RUNX3: variants seen among roughly 807,000 people sequenced by gnomAD.
The protein encoded by RUNX3 is RUNX family transcription factor 3.
Under a neutral mutation model 27.7 loss-of-function variants are expected in RUNX3, and 10 were observed. The ratio of observed to expected loss-of-function variants is 0.36; its 90% CI spans 0.22 to 0.61. RUNX3 has a LOEUF of 0.61. Among genes scored for constraint, RUNX3 ranks in the 20% least tolerant of loss-of-function variants. The pLI, the probability that RUNX3 is intolerant of heterozygous loss-of-function variation, is 0.72. For synonymous variants in RUNX3, 270 were observed against 269.2 expected (o/e 1.00, Z -0.03); for missense variants, 469 against 629.5 (o/e 0.75, Z 2.73).
chr1:24,907,449 C>T (rs1199331590), intron 3 of RUNX3, 32 bp from the exon 4 acceptor site: 1 of 1,594,208 alleles, frequency 6.3e-7, no homozygotes, highest in South Asian at 1.1e-5. Flanking sequence ...TCAGCCGTTG[C>T]TTCCCCAGAG....
intron 2 of RUNX3, among the ~76,000 whole-genome samples, chr1:24,939,858 C>T (rs1043360532): frequency 2.0e-5 from 3 of 152,220 alleles, no homozygotes; most frequent in Non-Finnish European, 4.4e-5. Flanking sequence ...GGTGGAAGGG[C>T]AGGGCACTAG....
intron 2 of RUNX3, among the ~76,000 whole-genome samples, chr1:24,947,231 G>T (rs954264865): frequency 9.9e-5 from 15 of 152,184 alleles, no homozygotes; most frequent in African/African-American, 3.6e-4. Context: ...TAGTCCGGCT[G>T]CCTGCTACCT....
rs747855842 is a variant in RUNX3 at position 24,904,846 on chromosome 1, T to C, written c.704-2180A>G. On this transcript the variant is annotated intron_variant, in intron 4 of 4. Transcript: ENST00000308873. This position sits in a 1 kb window ranked among gnomAD's most constrained non-coding sequence, Gnocchi z 5.7. ...TCCCTCAGACCCCCCAGCAGCTTCCTTGGAGCTCCTGTACCCCCACCCTGC... is the reference window on the plus strand; with the variant it reads ...TCCCTCAGACCCCCCAGCAGCTTCCCTGGAGCTCCTGTACCCCCACCCTGC... 2.0e-5 allele frequency among the ~76,000 whole-genome samples: 3 copies of C among 152,138 alleles called. No individual in the cohort carries two copies. Among genetic ancestry groups the C allele is most frequent in the Non-Finnish European group, 4.4e-5 (3 of 67,990 alleles).
Position 24,929,896 on chromosome 1 carries a change from G to C in RUNX3, c.-28C>G, listed in dbSNP as rs1641182524. The C allele has an allele frequency of 8.0e-7, 1 of 1,254,298 alleles. No homozygotes were observed. Among genetic ancestry groups the C allele is most frequent in the South Asian group, 3.2e-5 (1 of 31,688 alleles). The allele number at this position is 1,254,298 out of a possible 1,614,324, so 77.7% of individuals were successfully genotyped here. A position where few individuals can be genotyped will look rare whatever the true frequency, so the allele number is the denominator to read the frequency against. On this transcript the variant is annotated 5_prime_UTR_variant, in exon 1 of 5. Transcript: ENST00000308873. The stretch of plus-strand genomic sequence containing the variant: ...CAGCGGCCGTCAGGGCGCCGGGCAG[G>C]CGGAGACGGCGCGGCTTCCCCCGGG...
chr1:24,955,614 G>A (rs1380878203), intron 2 of RUNX3, among the ~76,000 whole-genome samples: 1 of 152,206 alleles, frequency 6.6e-6, no homozygotes, highest in Non-Finnish European at 1.5e-5. Context: ...GGCTTGGTAG[G>A]CTAAGGTCTG....
intron 2 of RUNX3, among the ~76,000 whole-genome samples, chr1:24,924,987 T>G (rs902457934): frequency 1.2e-4 from 18 of 152,156 alleles, no homozygotes; most frequent in Admixed American, 9.8e-4. Flanking sequence ...GAAAGCCATC[T>G]TCCTGGAATT....
chr1:24,904,392 G>T lies in RUNX3; in HGVS notation c.704-1726C>A, dbSNP rs1244869606. ...AACGGAGTGATGCTCCTGGCTTAAG[G>T]TAAGAAGATGTGGGGACAGCAGTCT... On this transcript the variant is annotated intron_variant, in intron 4 of 4. Transcript: ENST00000308873. This position sits in a 1 kb window ranked among gnomAD's most constrained non-coding sequence, Gnocchi z 5.7. Among the ~76,000 whole-genome samples the T allele has an allele frequency of 2.0e-5, 3 of 152,208 alleles. No individual in the cohort carries two copies. The highest frequency in any genetic ancestry group is 7.2e-5 in the African/African-American group (3 of 41,448).
chr1:24,931,083 T>C (rs1167265118), upstream of RUNX3, among the ~76,000 whole-genome samples: 1 of 152,228 alleles, frequency 6.6e-6, no homozygotes, highest in Admixed American at 6.5e-5. Flanking sequence ...TGCGTTTTTC[T>C]TTTTTTCCTT....
At chr1:24,931,107 A>G (rs564549151), upstream of RUNX3, among the ~76,000 whole-genome samples, 3 of 152,250 alleles carry the variant, frequency 2.0e-5, no homozygotes, top group Non-Finnish European at 4.4e-5. Flanking sequence ...GCATGTAACC[A>G]CGGTCCTGCA....
intron 3 of RUNX3, among the ~76,000 whole-genome samples, chr1:24,915,924 T>C (rs1307047991): frequency 6.6e-6 from 1 of 152,054 alleles, no homozygotes; most frequent in East Asian, 1.9e-4. Flanking sequence ...CCCCAGTGAC[T>C]CTGAGGGACA....
At position 24,930,245 on chromosome 1, in the gene RUNX3, G is replaced by A. The variant is rs954273615; in HGVS notation, c.-377C>T. Reference sequence around the variant, plus strand: ...CGGCCGCCCCGACTCCGCGGCCGCAGCCCCAGAACAAATCCTCCAGAATCA... The same window carrying A: ...CGGCCGCCCCGACTCCGCGGCCGCAACCCCAGAACAAATCCTCCAGAATCA... On this transcript the variant is annotated 5_prime_UTR_variant, in exon 1 of 5. Coordinates refer to ENST00000308873, the MANE Select transcript of RUNX3 (RefSeq NM_004350.3). This position sits in a 1 kb window ranked among gnomAD's most constrained non-coding sequence, Gnocchi z 4.1. The A allele has an allele frequency of 1.0e-6, 1 of 983,404 alleles. No homozygotes were observed. The highest frequency in any genetic ancestry group is 1.8e-5 in the African/African-American group (1 of 57,118). The allele number at this position is 983,404 out of a possible 1,614,324, so 60.9% of individuals were successfully genotyped here.
chr1:24,943,073 A>T lies in RUNX3; in HGVS notation c.59-13221T>A, dbSNP rs780801661. On this transcript the variant is annotated intron_variant, in intron 2 of 6. Transcript: ENST00000338888. The surrounding 1 kb of genome is among the most constrained non-coding windows in gnomAD (Gnocchi z 4.6). Reference sequence around the variant, plus strand: ...GCCCTGATTGGAACAAGGTGGCAGCACCGGGAGCCGAGCCGGGTGTCATTG... The same window carrying T: ...GCCCTGATTGGAACAAGGTGGCAGCTCCGGGAGCCGAGCCGGGTGTCATTG... 6.6e-6 allele frequency among the ~76,000 whole-genome samples: 1 copy of T among 152,228 alleles called. No individual in the cohort carries two copies. The highest frequency in any genetic ancestry group is 1.5e-5 in the Non-Finnish European group (1 of 68,036).
At position 24,902,766 on chromosome 1, in the gene RUNX3, G is replaced by A; in HGVS notation, c.704-100C>T. 9.1e-7 allele frequency: 1 copy of A among 1,097,898 alleles called. No individual in the cohort carries two copies. Among genetic ancestry groups the A allele is most frequent in the Admixed American group, 2.7e-5 (1 of 36,944 alleles). 68.0% of individuals were successfully genotyped at this position (1,097,898 alleles called of 1,614,324 possible). ...GCTCTGGTTCCCAAGGCCCATCTGG[G>A]GGACCCCTAGTTCTAGACCTGGCTC... On this transcript the variant is annotated intron_variant, in intron 4 of 4. Coordinates refer to ENST00000308873, the MANE Select transcript of RUNX3 (RefSeq NM_004350.3). The surrounding 1 kb of genome is among the most constrained non-coding windows in gnomAD (Gnocchi z 9.2).
At chr1:24,940,182 A>G (rs1243987576) in intron 2 of RUNX3, among the ~76,000 whole-genome samples, 1 of 152,180 alleles carries the variant, frequency 6.6e-6, no homozygotes, top group South Asian at 2.1e-4. Context: ...GCTGGCTTGG[A>G]ATAGGGACAC....
At chr1:24,936,898 T>C (rs1571334538) in intron 2 of RUNX3, among the ~76,000 whole-genome samples, 1 of 152,110 alleles carries the variant, frequency 6.6e-6, no homozygotes. Context: ...CCTCAGACAT[T>C]CCTGCCAGCA....
At chr1:24,924,050 C>T (rs1641050461) in intron 2 of RUNX3, among the ~76,000 whole-genome samples, 1 of 152,068 alleles carries the variant, frequency 6.6e-6, no homozygotes, top group African/African-American at 2.4e-5. Flanking sequence ...TTCAATTCTT[C>T]CTGGGAGGGA....
intron 2 of RUNX3, among the ~76,000 whole-genome samples, chr1:24,939,199 A>T (rs1304207369): frequency 6.6e-6 from 1 of 152,204 alleles, no homozygotes; most frequent in Non-Finnish European, 1.5e-5. Flanking sequence ...CGCAGAGTGC[A>T]CACACACACG....
intron 2 of RUNX3, chr1:24,963,027 A>C (rs1642160326): frequency 6.6e-6 from 1 of 152,244 alleles, no homozygotes. Context: ...TTATAATAGC[A>C]GCAACTCCAA....
At chr1:24,956,478 C>A (rs529307724) in intron 2 of RUNX3, among the ~76,000 whole-genome samples, 1 of 152,200 alleles carries the variant, frequency 6.6e-6, no homozygotes, top group Non-Finnish European at 1.5e-5. Flanking sequence ...TTTCTCTCCC[C>A]CTGGGAAGGG....
Sources: gnomAD v4.1 joint callset for allele counts (sites outside exome capture counted in the v4.1 genomes callset) on GRCh38, gnomAD v4.1.1 for gene constraint, Gnocchi (gnomAD v3.1) non-coding constraint, MANE v1.5 for transcripts, NCBI Gene and HGNC (gene_info 2026-07-23, HGNC 2026-07-21) for gene names.